Variants in SLC24A3 observed in about 807,000 individuals in gnomAD.
SLC24A3 encodes sodium/potassium/calcium exchanger 3.
A neutral mutation model predicts 75.8 loss-of-function variants in SLC24A3; 28 were observed. That is an observed-to-expected ratio of 0.37 (90% CI 0.27 to 0.51). SLC24A3 has a LOEUF of 0.51. SLC24A3 is among the 20% of genes least tolerant of loss of function. SLC24A3 has a pLI of 0.94. For synonymous variants in SLC24A3, 372 were observed against 334.1 expected, an observed-to-expected ratio of 1.11 and a Z score of -1.24; for missense variants, 663 against 847.8, an observed-to-expected ratio of 0.78 and a Z score of 2.71.
At chr20:19,440,879 C>T (rs1194005528) in intron 2 of SLC24A3, among the ~76,000 whole-genome samples, 2 of 152,034 alleles carry the variant, frequency 1.3e-5, no homozygotes, top group Non-Finnish European at 2.9e-5. Flanking sequence ...CGACAGCAGC[C>T]TCAGGGTGCA....
At chr20:19,587,510 A>G (rs1424827487) in intron 6 of SLC24A3, among the ~76,000 whole-genome samples, 2 of 152,232 alleles carry the variant, frequency 1.3e-5, no homozygotes, top group Non-Finnish European at 2.9e-5. Context: ...AGCAGTCCAC[A>G]GTCCACGCGA....
At chr20:19,389,164 A>G (rs1986324997) in intron 2 of SLC24A3, among the ~76,000 whole-genome samples, 1 of 152,000 alleles carries the variant, frequency 6.6e-6, no homozygotes, top group African/African-American at 2.4e-5. Flanking sequence ...CATAATTTAT[A>G]TCTTTTATAT....
intron 2 of SLC24A3, among the ~76,000 whole-genome samples, chr20:19,437,311 T>G (rs1987221669): frequency 1.3e-5 from 2 of 152,160 alleles, no homozygotes; most frequent in African/African-American, 4.8e-5. Context: ...TGAGTGAGTC[T>G]CACAAGATCT....
intron 3 of SLC24A3, among the ~76,000 whole-genome samples, chr20:19,540,030 G>C (rs2030468192): frequency 6.6e-6 from 1 of 152,156 alleles, no homozygotes; most frequent in Non-Finnish European, 1.5e-5. Context: ...GGAGAGACCT[G>C]TTTTGGGCAA....
chr20:19,676,958 G>A (rs1211793333), intron 9 of SLC24A3, among the ~76,000 whole-genome samples: 1 of 152,114 alleles, frequency 6.6e-6, no homozygotes, highest in African/African-American at 2.4e-5. Context: ...TTCCTCTTCT[G>A]CAAAACAAGA....
intron 2 of SLC24A3, among the ~76,000 whole-genome samples, chr20:19,443,395 T>C (rs1029247533): frequency 2.0e-5 from 3 of 152,104 alleles, no homozygotes; most frequent in African/African-American, 7.3e-5. Context: ...TTATACATAG[T>C]TTATTAGATT....
chr20:19,454,665 A>AT (rs1987548572), intron 2 of SLC24A3, among the ~76,000 whole-genome samples: 1 of 152,202 alleles, frequency 6.6e-6, no homozygotes, highest in African/African-American at 2.4e-5. Flanking sequence ...TAATTATCAC[A>AT]TTTGCAAAAG....
intron 3 of SLC24A3, among the ~76,000 whole-genome samples, chr20:19,562,991 G>T (rs1225995026): frequency 1.3e-5 from 2 of 152,130 alleles, no homozygotes. Flanking sequence ...ATTGTAGGGT[G>T]ACCCCCTGAG....
At chr20:19,532,489 G>A (rs2030320792) in intron 3 of SLC24A3, among the ~76,000 whole-genome samples, 1 of 152,210 alleles carries the variant, frequency 6.6e-6, no homozygotes, top group South Asian at 2.1e-4. Context: ...TCTCCTGGAG[G>A]AGAATTCCTG....
intron 6 of SLC24A3, among the ~76,000 whole-genome samples, chr20:19,596,719 A>T (rs2031457369): frequency 6.6e-6 from 1 of 152,172 alleles, no homozygotes; most frequent in African/African-American, 2.4e-5. Flanking sequence ...TATGTCCTGG[A>T]TAGCACTGCC....
intron 3 of SLC24A3, among the ~76,000 whole-genome samples, chr20:19,547,545 A>G (rs536860057): frequency 9.8e-5 from 15 of 152,360 alleles, no homozygotes; most frequent in African/African-American, 3.6e-4. Flanking sequence ...TTATACCTCA[A>G]TAAAGCTGTT....
At chr20:19,275,858 GAC>G (rs1171537378) in intron 1 of SLC24A3, among the ~76,000 whole-genome samples, 11 of 152,104 alleles carry the variant, frequency 7.2e-5, no homozygotes, top group African/African-American at 2.7e-4. Context: ...CAGTCCTGCA[GAC>G]TGCCTCCACC....
At chr20:19,518,593 G>A (rs963304056) in intron 3 of SLC24A3, among the ~76,000 whole-genome samples, 1 of 152,232 alleles carries the variant, frequency 6.6e-6, no homozygotes, top group African/African-American at 2.4e-5. Flanking sequence ...GGAGTCTAGA[G>A]AGAGCAGAAA....
At chr20:19,229,265 G>C (rs1172184249) in intron 1 of SLC24A3, among the ~76,000 whole-genome samples, 1 of 151,752 alleles carries the variant, frequency 6.6e-6, no homozygotes, top group Non-Finnish European at 1.5e-5. Flanking sequence ...ACTGTATTTG[G>C]TGTATTTTAT....
intron 3 of SLC24A3, among the ~76,000 whole-genome samples, chr20:19,520,520 T>C (rs2122563472): frequency 6.6e-6 from 1 of 152,306 alleles, no homozygotes; most frequent in East Asian, 1.9e-4. Context: ...TAGGGGCTCA[T>C]GTTATTAAAG....
chr20:19,438,715 A>G (rs1011742426), intron 2 of SLC24A3, among the ~76,000 whole-genome samples: 5 of 152,178 alleles, frequency 3.3e-5, no homozygotes, highest in Admixed American at 1.3e-4. Context: ...GTGGACAGCA[A>G]TCTGCTCATT....
chr20:19,420,025 G>A (rs577888285), intron 2 of SLC24A3, among the ~76,000 whole-genome samples: 6 of 91,646 alleles, frequency 6.5e-5, no homozygotes, highest in Non-Finnish European at 1.3e-4. Flanking sequence ...TCCCCTTCCT[G>A]TGTCCATGTG....
At chr20:19,692,824 T>G (rs2032759338) in intron 12 of SLC24A3, among the ~76,000 whole-genome samples, 1 of 152,136 alleles carries the variant, frequency 6.6e-6, no homozygotes, top group Non-Finnish European at 1.5e-5. Flanking sequence ...CGCTGACGCT[T>G]TATTATCGGG....
chr20:19,618,588 G>A (rs2031767017), intron 6 of SLC24A3, among the ~76,000 whole-genome samples: 1 of 152,138 alleles, frequency 6.6e-6, no homozygotes, highest in South Asian at 2.1e-4. Context: ...TATGAATGTT[G>A]GGGGAGAGAG....
Sources: allele counts gnomAD v4.1 joint callset (sites outside exome capture counted in the v4.1 genomes callset), GRCh38; gene constraint gnomAD v4.1.1; transcripts MANE v1.5; gene names NCBI Gene and HGNC (gene_info 2026-07-23, HGNC 2026-07-21).